LINGO2: variants seen among roughly 807,000 people sequenced by gnomAD.
LINGO2 encodes leucine rich repeat and Ig domain containing 2, also known as leucine-rich repeat and immunoglobulin-like domain-containing nogo receptor-interacting protein 2.
LINGO2 carries 14 observed loss-of-function variants against 30.6 expected under a neutral mutation model. The observed-to-expected ratio is 0.46, with a 90% CI of 0.30 to 0.72. The LOEUF (loss-of-function observed/expected upper bound fraction) is 0.72, where lower values mean the gene tolerates loss of function less well. Ranked by LOEUF, LINGO2 falls within the 30% of genes least tolerant of loss-of-function variation. The pLI is 0.07. For synonymous variants in LINGO2, 317 were observed against 288.5 expected (o/e 1.10, Z -1.00); for missense variants, 729 against 751.7 (o/e 0.97, Z 0.35).
chr9:28,890,081 T>C, the LINGO2 span, among the ~76,000 whole-genome samples: 1 of 152,128 alleles, frequency 6.6e-6, no homozygotes, highest in African/African-American at 2.4e-5. Flanking sequence ...TAGATCCATT[T>C]ATTTTACTAC....
intron 1 of LINGO2, among the ~76,000 whole-genome samples, chr9:28,528,525 C>A (rs1389846583): frequency 6.6e-6 from 1 of 152,126 alleles, no homozygotes; most frequent in Non-Finnish European, 1.5e-5. Flanking sequence ...CATATCTGAA[C>A]TTTTATCCTT....
the LINGO2 span, among the ~76,000 whole-genome samples, chr9:28,696,882 T>C: frequency 6.6e-6 from 1 of 151,928 alleles, no homozygotes; most frequent in Admixed American, 6.6e-5. Flanking sequence ...AAAAACAATA[T>C]ACGTTTTGTG....
At chr9:29,119,393 C>T in the LINGO2 span, among the ~76,000 whole-genome samples, 36,919 of 151,482 alleles carry the variant, frequency 0.24, 4,671 homozygotes, top group East Asian at 0.44. Flanking sequence ...TAAAAATGAG[C>T]TATCTGGCTT....
chr9:28,482,635 C>T (rs1826019964), intron 1 of LINGO2, among the ~76,000 whole-genome samples: 1 of 152,040 alleles, frequency 6.6e-6, no homozygotes, highest in African/African-American at 2.4e-5. Context: ...TTAATTAGAT[C>T]CCATTTATCA....
At chr9:29,212,807 G>C in the LINGO2 span, among the ~76,000 whole-genome samples, 1 of 152,172 alleles carries the variant, frequency 6.6e-6, no homozygotes, top group Non-Finnish European at 1.5e-5. Flanking sequence ...TCGTGCGATC[G>C]CGTAGCGACG....
At chr9:28,023,831 C>A (rs1258845585) in intron 4 of LINGO2, among the ~76,000 whole-genome samples, 1 of 152,060 alleles carries the variant, frequency 6.6e-6, no homozygotes, top group Non-Finnish European at 1.5e-5. Context: ...AGTATGGGGC[C>A]CCCTAAGATT....
At chr9:28,223,317 T>C (rs1821032331) in intron 4 of LINGO2, among the ~76,000 whole-genome samples, 1 of 152,192 alleles carries the variant, frequency 6.6e-6, no homozygotes, top group Non-Finnish European at 1.5e-5. Context: ...TCACATCCTC[T>C]GGAGGGGAGG....
At chr9:28,566,296 C>T (rs1823378051) in intron 1 of LINGO2, among the ~76,000 whole-genome samples, 1 of 152,120 alleles carries the variant, frequency 6.6e-6, no homozygotes, top group Non-Finnish European at 1.5e-5. Context: ...AATATTTTGT[C>T]AATGAATATA....
chr9:29,155,877 G>A, the LINGO2 span, among the ~76,000 whole-genome samples: 3 of 151,844 alleles, frequency 2.0e-5, no homozygotes, highest in Admixed American at 6.6e-5. Flanking sequence ...ATTCATCTCC[G>A]TGATGTTAAA....
At chr9:28,461,013 C>T (rs976338403) in intron 2 of LINGO2, among the ~76,000 whole-genome samples, 1 of 152,048 alleles carries the variant, frequency 6.6e-6, no homozygotes, top group African/African-American at 2.4e-5. Flanking sequence ...TACAATATAA[C>T]CCTAAACACT....
At chr9:28,198,765 C>G (rs1006458156) in intron 4 of LINGO2, among the ~76,000 whole-genome samples, 2 of 152,078 alleles carry the variant, frequency 1.3e-5, no homozygotes, top group Admixed American at 6.5e-5. Flanking sequence ...TCTTTTAGGG[C>G]ATTTCTAGTA....
chr9:29,102,100 G>A, the LINGO2 span, among the ~76,000 whole-genome samples: 21 of 142,016 alleles, frequency 1.5e-4, no homozygotes, highest in South Asian at 3.5e-3. Context: ...TTTTTTTTTC[G>A]AGACCCAGTC....
At chr9:28,140,251 C>G (rs368674501) in intron 4 of LINGO2, among the ~76,000 whole-genome samples, 2 of 152,168 alleles carry the variant, frequency 1.3e-5, no homozygotes, top group South Asian at 4.1e-4. Context: ...CTACCAGTGG[C>G]AACTAGAAAC....
chr9:28,311,152 G>A (rs554639713), intron 3 of LINGO2, among the ~76,000 whole-genome samples: 11 of 152,108 alleles, frequency 7.2e-5, no homozygotes, highest in East Asian at 1.9e-4. Context: ...GATGCCCCCC[G>A]AGCCATAAAA....
At chr9:28,074,977 G>T (rs1489057320) in intron 4 of LINGO2, among the ~76,000 whole-genome samples, 2 of 150,600 alleles carry the variant, frequency 1.3e-5, no homozygotes, top group Non-Finnish European at 3.0e-5. Flanking sequence ...TATTTTTAAT[G>T]TATTATATAT....
At chr9:28,624,597 T>C (rs1190419407) in intron 1 of LINGO2, among the ~76,000 whole-genome samples, 1 of 151,860 alleles carries the variant, frequency 6.6e-6, no homozygotes, top group Non-Finnish European at 1.5e-5. Flanking sequence ...GATTTTTTCA[T>C]TGATATTCAT....
chr9:28,399,813 T>G (rs994646179), intron 2 of LINGO2, among the ~76,000 whole-genome samples: 3 of 152,216 alleles, frequency 2.0e-5, no homozygotes, highest in Non-Finnish European at 4.4e-5. Context: ...ATGTTCATTC[T>G]ATTTTCAGTT....
the LINGO2 span, among the ~76,000 whole-genome samples, chr9:28,919,911 T>G: frequency 3.3e-5 from 5 of 152,196 alleles, no homozygotes; most frequent in South Asian, 8.3e-4. Context: ...TAATTTGTAT[T>G]ATGCTTTCCT....
intron 1 of LINGO2, among the ~76,000 whole-genome samples, chr9:28,533,462 C>G (rs1218378117): frequency 6.6e-6 from 1 of 152,140 alleles, no homozygotes; most frequent in Non-Finnish European, 1.5e-5. Context: ...CCTGTTAGTT[C>G]TGTCCCTCTA....
Sources: gnomAD v4.1 joint callset for allele counts (sites outside exome capture counted in the v4.1 genomes callset) on GRCh38, gnomAD v4.1.1 for gene constraint, MANE v1.5 for transcripts, NCBI Gene and HGNC (gene_info 2026-07-23, HGNC 2026-07-21) for gene names.